Variants in DLG2 observed in about 807,000 individuals in gnomAD.
DLG2 encodes the protein discs large MAGUK scaffold protein 2, also known as disks large homolog 2.
DLG2 carries 45 observed loss-of-function variants against 132.5 expected under a neutral mutation model. The ratio of observed to expected loss-of-function variants is 0.34; its 90% confidence interval spans 0.27 to 0.44. The LOEUF (loss-of-function observed/expected upper bound fraction) is 0.44, where lower values mean the gene tolerates loss of function less well. DLG2 is among the 20% of genes least tolerant of loss of function. The pLI is 1.00. For synonymous variants in DLG2, 424 were observed against 419.6 expected (o/e 1.01, Z -0.13); for missense variants, 1,045 against 1,196.9 (o/e 0.87, Z 1.87).
intron 11 of DLG2, among the ~76,000 whole-genome samples, chr11:84,005,949 T>C (rs970322897): frequency 2.6e-5 from 4 of 151,768 alleles, no homozygotes; most frequent in African/African-American, 7.2e-5. Flanking sequence ...AAAGAACTAC[T>C]ATACAATCCA....
intron 15 of DLG2, among the ~76,000 whole-genome samples, 173 bp from the exon 16 acceptor site, chr11:83,874,661 A>G (rs1221048236): frequency 6.6e-6 from 1 of 152,156 alleles, no homozygotes; most frequent in African/African-American, 2.4e-5. Context: ...AACATTAGAT[A>G]TATCTCCTAA....
At chr11:84,434,658 T>G (rs2098995073) in intron 7 of DLG2, among the ~76,000 whole-genome samples, 1 of 152,136 alleles carries the variant, frequency 6.6e-6, no homozygotes, top group Admixed American at 6.6e-5. Context: ...ATTATTGTTG[T>G]GAGCATTATG....
At chr11:85,383,394 T>G (rs1435749242) in intron 3 of DLG2, among the ~76,000 whole-genome samples, 2 of 152,192 alleles carry the variant, frequency 1.3e-5, no homozygotes, top group Non-Finnish European at 2.9e-5. Flanking sequence ...TAGCTATAAC[T>G]GCATAACTTT....
intron 3 of DLG2, among the ~76,000 whole-genome samples, chr11:85,512,431 T>G (rs980284020): frequency 2.0e-5 from 3 of 152,126 alleles, no homozygotes; most frequent in Non-Finnish European, 4.4e-5. Flanking sequence ...TTTGACTATC[T>G]TCATCAAATA....
chr11:84,640,981 A>G (rs959953414), intron 6 of DLG2, among the ~76,000 whole-genome samples: 1 of 151,028 alleles, frequency 6.6e-6, no homozygotes, highest in African/African-American at 2.4e-5. Flanking sequence ...AAAAACAACT[A>G]TTGATTTGGA....
intron 6 of DLG2, among the ~76,000 whole-genome samples, chr11:84,827,214 A>G (rs2078436332): frequency 6.6e-6 from 1 of 151,704 alleles, no homozygotes; most frequent in Admixed American, 6.6e-5. Flanking sequence ...CAACATTCAA[A>G]CTTTCCTTAT....
chr11:84,465,892 T>C (rs2099093019), intron 7 of DLG2, among the ~76,000 whole-genome samples: 1 of 151,242 alleles, frequency 6.6e-6, no homozygotes, highest in Non-Finnish European at 1.5e-5. Flanking sequence ...AATTGAGTTT[T>C]AGCAAACCAT....
intron 3 of DLG2, among the ~76,000 whole-genome samples, chr11:85,319,727 C>T (rs1230289253): frequency 2.0e-5 from 3 of 151,776 alleles, no homozygotes; most frequent in Admixed American, 2.0e-4. Flanking sequence ...GGAGAATGTT[C>T]AATGTGCATT....
intron 18 of DLG2, among the ~76,000 whole-genome samples, chr11:83,707,726 C>T (rs1243379238): frequency 6.6e-6 from 1 of 152,148 alleles, no homozygotes; most frequent in East Asian, 1.9e-4. Context: ...GTGCACAATG[C>T]TTTTGAGATT....
chr11:85,557,780 C>T (rs1398447411), intron 3 of DLG2, among the ~76,000 whole-genome samples: 2 of 151,874 alleles, frequency 1.3e-5, no homozygotes, highest in Non-Finnish European at 2.9e-5. Context: ...TAGACCCCTA[C>T]CTTTCATCAT....
At chr11:85,445,447 G>A (rs2091965215) in intron 3 of DLG2, among the ~76,000 whole-genome samples, 1 of 152,188 alleles carries the variant, frequency 6.6e-6, no homozygotes, top group Non-Finnish European at 1.5e-5. Flanking sequence ...GGTGGCCAAG[G>A]TGGGTGGATC....
At chr11:84,664,006 A>G (rs1436559771) in intron 6 of DLG2, among the ~76,000 whole-genome samples, 2 of 152,324 alleles carry the variant, frequency 1.3e-5, no homozygotes, top group Middle Eastern at 6.8e-3. Flanking sequence ...CCTGACAACC[A>G]AAATTCAGCT....
chr11:84,185,320 T>C (rs1266220092), intron 8 of DLG2, among the ~76,000 whole-genome samples: 2 of 152,140 alleles, frequency 1.3e-5, no homozygotes, highest in South Asian at 2.1e-4. Flanking sequence ...GGTATTTTAT[T>C]CTCTTTGAAG....
intron 6 of DLG2, among the ~76,000 whole-genome samples, chr11:84,571,136 T>C (rs2099482545): frequency 6.6e-6 from 1 of 152,160 alleles, no homozygotes; most frequent in Non-Finnish European, 1.5e-5. Context: ...TACCCTGTTT[T>C]TTCATAAATA....
chr11:84,464,121 G>T lies in DLG2; in HGVS notation c.519+70449C>A, dbSNP rs1341792948. 2.6e-5 allele frequency among the ~76,000 whole-genome samples: 4 copies of T among 151,276 alleles called. No individual in the cohort carries two copies. In the South Asian group the frequency reaches 8.3e-4, roughly 31 times the overall value. The stretch of plus-strand genomic sequence containing the variant: ...TATTGGGAACTAAATTGACCGATTC[G>T]ACAGACATTACTGAGAAGCTACTAT... On this transcript the variant is annotated intron_variant, in intron 7 of 27. Transcript: ENST00000376104.
chr11:85,518,302 T>C (rs757450991), intron 3 of DLG2, among the ~76,000 whole-genome samples: 1 of 152,154 alleles, frequency 6.6e-6, no homozygotes, highest in Non-Finnish European at 1.5e-5. Flanking sequence ...AAAACCCTGA[T>C]AGTGATATAG....
At chr11:84,893,260 T>C (rs2089697395) in intron 6 of DLG2, among the ~76,000 whole-genome samples, 1 of 152,160 alleles carries the variant, frequency 6.6e-6, no homozygotes, top group Non-Finnish European at 1.5e-5. Context: ...AAGCACCACC[T>C]CATCAAGAGT....
intron 4 of DLG2, among the ~76,000 whole-genome samples, chr11:85,276,632 C>A (rs1027092767): frequency 6.6e-6 from 1 of 152,132 alleles, no homozygotes; most frequent in African/African-American, 2.4e-5. Flanking sequence ...GTTTTTAAAA[C>A]TATCTTCAGA....
chr11:85,532,661 T>C (rs1292672887), intron 3 of DLG2, among the ~76,000 whole-genome samples: 1 of 152,220 alleles, frequency 6.6e-6, no homozygotes, highest in Non-Finnish European at 1.5e-5. Flanking sequence ...TCACATCCTT[T>C]CTTTTTAACT....
Sources: gnomAD v4.1 joint callset for allele counts (sites outside exome capture counted in the v4.1 genomes callset) on GRCh38, gnomAD v4.1.1 for gene constraint, MANE v1.5 for transcripts, NCBI Gene and HGNC (gene_info 2026-07-23, HGNC 2026-07-21) for gene names.